STOX1: variants seen among roughly 807,000 people sequenced by gnomAD.
STOX1 encodes the protein storkhead-box protein 1.
STOX1 carries 57 observed loss-of-function variants against 74.8 expected under a neutral mutation model. The observed-to-expected ratio is 0.76, with a 90% CI of 0.62 to 0.95. The LOEUF is 0.95. Among genes scored for constraint, STOX1 ranks in the 40% least tolerant of loss-of-function variants. STOX1 has a pLI of 0.00. For missense variants in STOX1, 1,010 were observed against 1,117.0 expected, an observed-to-expected ratio of 0.90 and a Z score of 1.37; for synonymous variants, 375 against 401.3, an observed-to-expected ratio of 0.93 and a Z score of 0.78.
chr10:68,852,408 G>A (rs1166657350), intron 1 of STOX1, among the ~76,000 whole-genome samples: 3 of 151,014 alleles, frequency 2.0e-5, no homozygotes, highest in Non-Finnish European at 3.0e-5. Context: ...ACAGGCGCCC[G>A]CCACCGCACC....
downstream of STOX1, among the ~76,000 whole-genome samples, chr10:68,893,557 A>C (rs1841142667): frequency 1.3e-5 from 2 of 152,184 alleles, no homozygotes; most frequent in Admixed American, 1.3e-4. Flanking sequence ...AGCTGGGATT[A>C]CAGGCGCCTG....
intron 3 of STOX1, among the ~76,000 whole-genome samples, chr10:68,891,855 T>C (rs1841107536): frequency 1.3e-5 from 2 of 151,680 alleles, no homozygotes; most frequent in African/African-American, 2.4e-5. Context: ...AGTCTCACTC[T>C]GTTGCTGAGG....
intron 1 of STOX1, among the ~76,000 whole-genome samples, chr10:68,851,424 TA>T (rs937587688): frequency 2.0e-5 from 3 of 152,132 alleles, no homozygotes; most frequent in East Asian, 1.9e-4. Flanking sequence ...ATTGTGGTAG[TA>T]AAAAAAATCA....
Position 68,886,041 on chromosome 10 carries a change from C to A in STOX1, c.2245C>A (p.Arg749Ser). ...EDDISENDDL[R>S]QMLPGHSQYS... ...TGACATTTCTGAGAATGACGACTTA[C>A]GTCAAATGCTGCCTGGCCACAGTCA... is the stretch of plus-strand genomic sequence containing the variant. The change falls in exon 3 of 4, where the codon CGT (arginine) becomes AGT (serine). Residue 749 changes from arginine (R) to serine (S), a missense_variant. Coordinates refer to ENST00000298596, the MANE Select transcript of STOX1 (RefSeq NM_152709.5). The A allele has an allele frequency of 1.2e-6, 2 of 1,614,162 alleles. No homozygotes were observed. Among genetic ancestry groups the A allele is most frequent in the Non-Finnish European group, 1.7e-6 (2 of 1,180,034 alleles).
rs745507419 is a variant in STOX1 at position 68,892,730 on chromosome 10, C to T, written c.2964C>T (p.Asn988=). The T allele has an allele frequency of 9.9e-6, 16 of 1,613,506 alleles. No homozygotes were observed. Among genetic ancestry groups the T allele is most frequent in the African/African-American group, 6.7e-5 (5 of 74,888 alleles). The change falls in exon 4 of 4, where the codon AAC becomes AAT. Residue 988 remains asparagine (N), a synonymous_variant. Transcript: ENST00000298596. ...TACTACCGCTAACTCCAGTCATAAA[C>T]GTTTAATTTTCTTTTGGAAACCTAC... is the stretch of plus-strand genomic sequence containing the variant. ...NSLLPLTPVI[N]V
rs562348681 is a variant in STOX1 at position 68,882,605 on chromosome 10, T to A, written c.463+495T>A. Among the ~76,000 whole-genome samples the A allele has an allele frequency of 1.7e-4, 26 of 152,156 alleles. No homozygotes were observed. The South Asian group carries it at 5.4e-3, about 32-fold the overall frequency. On this transcript the variant is annotated intron_variant, in intron 2 of 3. Coordinates refer to ENST00000298596, the MANE Select transcript of STOX1 (RefSeq NM_152709.5). ...TTCCGCCTCCCCGGGTTCAAGCGAT[T>A]CTTCTGCCTCAGCCTCCTCAGTAGC...
intron 1 of STOX1, among the ~76,000 whole-genome samples, chr10:68,879,787 A>G (rs1840765911): frequency 6.6e-6 from 1 of 152,112 alleles, no homozygotes; most frequent in African/African-American, 2.4e-5. Context: ...GGTTGCTGCA[A>G]CTGTGGGAAA....
In STOX1 at chr10:68,886,536, C is replaced by A; in HGVS notation, c.2740C>A (p.Gln914Lys). The change falls in exon 3 of 4, where the codon CAG (glutamine) becomes AAG (lysine). Residue 914 changes from glutamine (Q) to lysine (K), a missense_variant. Transcript: ENST00000298596. ...CACTTCACATATGCCAGTGTTGGCT[C>A]AGGATGTCCAATATGAACACAGTCA... ...FNTSHMPVLA[Q>K]DVQYEHSHLE... is the part of the protein sequence containing the mutation. 1 of 1,614,096 alleles carries A rather than the reference C, an allele frequency of 6.2e-7. No homozygotes were observed. Among genetic ancestry groups the A allele is most frequent in the South Asian group, 1.1e-5 (1 of 91,054 alleles).
chr10:68,886,437 C>A lies in STOX1; in HGVS notation c.2641C>A (p.Pro881Thr). 1 of 1,614,168 alleles carries A rather than the reference C, an allele frequency of 6.2e-7. No homozygotes were observed. The highest frequency in any genetic ancestry group is 8.5e-7 in the Non-Finnish European group (1 of 1,180,022). ...QDTIGDTGKK[P>T]ASWSQSPQNQ... Reference sequence around the variant, plus strand: ...CACTATTGGTGACACAGGAAAGAAGCCAGCTAGCTGGAGTCAGAGTCCTCA... The same window carrying A: ...CACTATTGGTGACACAGGAAAGAAGACAGCTAGCTGGAGTCAGAGTCCTCA... The change falls in exon 3 of 4, where the codon CCA becomes ACA. Residue 881 changes from proline to threonine, a missense_variant. Transcript: ENST00000298596.
intron 1 of STOX1, among the ~76,000 whole-genome samples, chr10:68,852,646 C>T (rs1187225311): frequency 1.3e-5 from 2 of 151,534 alleles, no homozygotes; most frequent in African/African-American, 2.4e-5. Flanking sequence ...CGCAGTCTCA[C>T]GATCATAGCT....
intron 2 of STOX1, among the ~76,000 whole-genome samples, chr10:68,883,183 C>G (rs1483297789): frequency 1.3e-5 from 2 of 150,404 alleles, no homozygotes; most frequent in East Asian, 3.9e-4. Flanking sequence ...TGACAACATC[C>G]TGGCCAATAT....
chr10:68,852,046 A>C (rs1839998614), intron 1 of STOX1, among the ~76,000 whole-genome samples: 1 of 151,990 alleles, frequency 6.6e-6, no homozygotes, highest in Admixed American at 6.6e-5. Flanking sequence ...AGGTAGCAGA[A>C]ACGCTTGAAC....
At chr10:68,894,032 C>T (rs1841149897), downstream of STOX1, among the ~76,000 whole-genome samples, 1 of 151,360 alleles carries the variant, frequency 6.6e-6, no homozygotes, top group Non-Finnish European at 1.5e-5. Context: ...GATGATGGTG[C>T]TGATTTATGG....
intron 1 of STOX1, among the ~76,000 whole-genome samples, chr10:68,858,278 G>T (rs777200088): frequency 7.2e-5 from 11 of 152,094 alleles, no homozygotes; most frequent in African/African-American, 2.7e-4. Flanking sequence ...AGAGATCAGA[G>T]CTGCTGACCT....
rs758530901 is a variant in STOX1, at chr10:68,827,683, G to A, written c.60G>A (p.Glu20=). 52 of 1,028,630 alleles carry A rather than the reference G, an allele frequency of 5.1e-5. 1 individual carries two copies. The South Asian group carries it at 1.8e-3, about 36-fold the overall frequency. 63.7% of individuals were successfully genotyped at this position (1,028,630 alleles called of 1,614,324 possible). Residue 20 remains glutamate (E), a synonymous_variant, in exon 1 of 4, where the codon GAG becomes GAA. Transcript: ENST00000298596. ...TGGCGCTAGTGCTGTGCCGGCTGGA[G>A]GCGCAGAAGGCGGCGGGGGCCGCGG... The part of the protein sequence containing the change: ...GSLALVLCRL[E]AQKAAGAAEE...
chr10:68,893,578 C>T (rs549281535), downstream of STOX1, among the ~76,000 whole-genome samples: 18 of 152,252 alleles, frequency 1.2e-4, no homozygotes, highest in East Asian at 5.8e-4. Context: ...CCACCACACC[C>T]GGCAAATTTT....
chr10:68,834,143 G>A (rs1005200153), intron 1 of STOX1, among the ~76,000 whole-genome samples: 3 of 152,170 alleles, frequency 2.0e-5, no homozygotes, highest in Non-Finnish European at 4.4e-5. Flanking sequence ...ACATCTCCTC[G>A]TGCTCCTCCT....
At chr10:68,881,642 G>A (rs866684486) in intron 1 of STOX1, among the ~76,000 whole-genome samples, 4 of 150,218 alleles carry the variant, frequency 2.7e-5, no homozygotes, top group Non-Finnish European at 5.9e-5. Context: ...CTGGTATATA[G>A]TATATTTAGT....
At chr10:68,872,342 C>CTTTT (rs72451894) in intron 1 of STOX1, among the ~76,000 whole-genome samples, 91 of 89,054 alleles carry the variant, frequency 1.0e-3, no homozygotes, top group African/African-American at 2.2e-3. Context: ...TTTTTCTTTT[C>CTTTT]TTTTTTTTTT....
Sources: gnomAD v4.1 joint callset for allele counts (sites outside exome capture counted in the v4.1 genomes callset) on GRCh38, gnomAD v4.1.1 for gene constraint, MANE v1.5 for transcripts, NCBI Gene and HGNC (gene_info 2026-07-23, HGNC 2026-07-21) for gene names.